The following PDE1C variants were observed in gnomAD, a reference collection of about 807,000 sequenced individuals.
PDE1C encodes the protein phosphodiesterase 1C.
PDE1C carries 62 observed loss-of-function variants against 93.1 expected under a neutral mutation model. The observed-to-expected ratio is 0.67, with a 90% CI of 0.54 to 0.82. The LOEUF is 0.82. Ranked by LOEUF, PDE1C falls within the 40% of genes least tolerant of loss-of-function variation. PDE1C has a pLI of 0.00. For missense variants in PDE1C, 742 were observed against 884.6 expected, an observed-to-expected ratio of 0.84 and a Z score of 2.04; for synonymous variants, 325 against 310.1, an observed-to-expected ratio of 1.05 and a Z score of -0.50.
At chr7:31,985,322 A>G (rs1783233537) in intron 2 of PDE1C, among the ~76,000 whole-genome samples, 1 of 152,182 alleles carries the variant, frequency 6.6e-6, no homozygotes. Flanking sequence ...GTTAAATTAT[A>G]TTTATGATTG....
At chr7:32,298,546 G>A in intron 1 of PDE1C, 2 of 1,374,462 alleles carry the variant, frequency 1.5e-6, no homozygotes, top group Non-Finnish European at 2.0e-6. Flanking sequence ...TCCGGCCCCA[G>A]CCCGACCCCT....
the PDE1C span, among the ~76,000 whole-genome samples, chr7:31,694,387 A>AACACACACAAAC: frequency 3.2e-4 from 46 of 141,678 alleles, no homozygotes; most frequent in Admixed American, 9.9e-4. Context: ...CTCTCTCTCA[A>AACACACACAAAC]ACACACACAC....
At chr7:31,707,394 G>T in the PDE1C span, 2 of 860,696 alleles carry the variant, frequency 2.3e-6, no homozygotes, top group Non-Finnish European at 3.6e-6. Flanking sequence ...CTGACTTGAA[G>T]ATTCAGACAC....
chr7:32,364,399 G>C (rs899008576), intron 1 of PDE1C, among the ~76,000 whole-genome samples: 1 of 152,196 alleles, frequency 6.6e-6, no homozygotes, highest in African/African-American at 2.4e-5. Context: ...GTGGTAACTG[G>C]AAGTCCAGGA....
chr7:32,327,885 T>G (rs1382841460), intron 1 of PDE1C, among the ~76,000 whole-genome samples: 1 of 152,164 alleles, frequency 6.6e-6, no homozygotes, highest in Admixed American at 6.5e-5. Context: ...ATAGACATAG[T>G]TCCGTTTTTC....
intron 2 of PDE1C, among the ~76,000 whole-genome samples, chr7:31,895,810 T>C (rs183714129): frequency 4.6e-5 from 7 of 152,258 alleles, no homozygotes; most frequent in Admixed American, 4.6e-4. Context: ...CCCCTGCACA[T>C]GCTCTCTTGC....
intron 1 of PDE1C, among the ~76,000 whole-genome samples, chr7:32,056,458 T>C (rs1290994506): frequency 6.7e-6 from 1 of 148,850 alleles, no homozygotes; most frequent in Non-Finnish European, 1.5e-5. Context: ...TACAGCATAC[T>C]GCTCAAGATC....
chr7:31,796,274 G>A (rs765564065), intron 16 of PDE1C, among the ~76,000 whole-genome samples: 9 of 151,110 alleles, frequency 6.0e-5, no homozygotes, highest in Non-Finnish European at 1.2e-4. Context: ...TATATCATAT[G>A]TATGATTTAT....
chr7:31,909,419 G>A (rs1378193907), intron 2 of PDE1C, among the ~76,000 whole-genome samples: 1 of 152,100 alleles, frequency 6.6e-6, no homozygotes, highest in Admixed American at 6.6e-5. Context: ...GACTAACTTG[G>A]TTTGGCTGGA....
intron 1 of PDE1C, among the ~76,000 whole-genome samples, chr7:32,214,180 T>C (rs977240308): frequency 1.3e-5 from 2 of 151,980 alleles, no homozygotes; most frequent in Non-Finnish European, 2.9e-5. Flanking sequence ...CGGACACATA[T>C]ATACATTTTA....
chr7:31,981,921 T>A (rs1472592451), intron 2 of PDE1C, among the ~76,000 whole-genome samples: 1 of 152,238 alleles, frequency 6.6e-6, no homozygotes, highest in East Asian at 1.9e-4. Context: ...ATGGTTTACA[T>A]GTGAGACTTT....
intron 2 of PDE1C, among the ~76,000 whole-genome samples, chr7:32,051,113 G>C (rs1793294973): frequency 6.6e-6 from 1 of 152,156 alleles, no homozygotes. Flanking sequence ...GCCCTTAAAG[G>C]AATCTGTGCC....
rs141216451 is a variant in PDE1C, at chr7:31,763,240, C to G, written c.1961-9687G>C. On this transcript the variant is annotated intron_variant, in intron 17 of 17. Transcript: ENST00000396191. The stretch of plus-strand genomic sequence containing the variant: ...TTCCTGTTGTCTGGGAATGCCCAAC[C>G]CTCAGCCATGTGCTAAGATTGTAGA... 3.9e-3 allele frequency among the ~76,000 whole-genome samples: 601 copies of G among 152,282 alleles called. 5 individuals carry two copies. Among genetic ancestry groups the G allele is most frequent in the African/African-American group, 0.014 (574 of 41,562 alleles).
At chr7:31,768,308 T>TG (rs1359842685) in intron 17 of PDE1C, among the ~76,000 whole-genome samples, 1 of 152,170 alleles carries the variant, frequency 6.6e-6, no homozygotes, top group Non-Finnish European at 1.5e-5. Context: ...CGGTTGCCAC[T>TG]GTTTACAGCA....
chr7:31,978,053 C>G (rs1451695012), intron 2 of PDE1C, among the ~76,000 whole-genome samples: 1 of 152,082 alleles, frequency 6.6e-6, no homozygotes, highest in Non-Finnish European at 1.5e-5. Flanking sequence ...TTGAGGCTAC[C>G]AAGCTGATCA....
downstream of PDE1C, chr7:31,751,070 A>T (rs1794117379): frequency 1.3e-5 from 2 of 152,258 alleles, no homozygotes; most frequent in Admixed American, 1.3e-4. Context: ...GAAATGGGTA[A>T]GTTATACTAT....
chr7:31,625,869 TAA>T, the PDE1C span, among the ~76,000 whole-genome samples: 1 of 152,138 alleles, frequency 6.6e-6, no homozygotes, highest in African/African-American at 2.4e-5. Context: ...ATGCTTAAAA[TAA>T]AGTGATCTCA....
intron 3 of PDE1C, among the ~76,000 whole-genome samples, chr7:32,098,227 C>G (rs57902917): frequency 5.9e-5 from 1 of 16,888 alleles, no homozygotes; most frequent in Non-Finnish European, 1.8e-4. Flanking sequence ...GAGACTCCGT[C>G]TCAAAAAAAA....
the PDE1C span, among the ~76,000 whole-genome samples, chr7:31,621,660 A>G: frequency 6.7e-6 from 1 of 148,394 alleles, no homozygotes; most frequent in Non-Finnish European, 1.5e-5. Context: ...TCATGCCAAA[A>G]TGTAAAGACC....
Sources: allele counts gnomAD v4.1 joint callset (sites outside exome capture counted in the v4.1 genomes callset), GRCh38; gene constraint gnomAD v4.1.1; transcripts MANE v1.5; gene names NCBI Gene and HGNC (gene_info 2026-07-23, HGNC 2026-07-21).